The following NAALADL2 variants were observed in gnomAD, a reference collection of about 807,000 sequenced individuals.
The protein encoded by NAALADL2 is N-acetylated alpha-linked acidic dipeptidase like 2, also known as inactive N-acetylated-alpha-linked acidic dipeptidase-like protein 2.
In NAALADL2, 76 loss-of-function variants were observed where a neutral mutation model predicts 87.2. The ratio of observed to expected loss-of-function variants is 0.87; its 90% CI spans 0.72 to 1.05. The LOEUF is 1.05. NAALADL2 is among the 50% of genes least tolerant of loss of function. NAALADL2 has a pLI of 0.00. For missense variants in NAALADL2, 1,089 were observed against 945.8 expected (o/e 1.15, Z -1.99); for synonymous variants, 354 against 331.0 (o/e 1.07, Z -0.75).
chr3:174,767,347 T>G (rs767570447), intron 3 of NAALADL2, among the ~76,000 whole-genome samples: 1 of 152,214 alleles, frequency 6.6e-6, no homozygotes, highest in Non-Finnish European at 1.5e-5. Flanking sequence ...GAGATTCTTT[T>G]ATTAATAGTT....
intron 12 of NAALADL2, among the ~76,000 whole-genome samples, chr3:175,753,616 CTCTCTGTAATT>C (rs1746882994): frequency 6.6e-6 from 1 of 152,100 alleles, no homozygotes; most frequent in East Asian, 1.9e-4. Flanking sequence ...AGCATATCAC[CTCTCTGTAATT>C]TTTCTTAAAT....
chr3:175,700,496 A>G (rs571294134), intron 11 of NAALADL2, among the ~76,000 whole-genome samples: 5 of 152,308 alleles, frequency 3.3e-5, no homozygotes, highest in South Asian at 2.1e-4. Context: ...CTGAAATGGA[A>G]GAATCTGATG....
chr3:175,302,885 T>C (rs568070041), intron 4 of NAALADL2, among the ~76,000 whole-genome samples: 14 of 151,934 alleles, frequency 9.2e-5, no homozygotes, highest in South Asian at 4.1e-4. Flanking sequence ...TTTTCATAAA[T>C]ATTTGTGAGT....
chr3:174,455,111 T>C (rs1715746984), intron 1 of NAALADL2, among the ~76,000 whole-genome samples: 1 of 152,066 alleles, frequency 6.6e-6, no homozygotes, highest in African/African-American at 2.4e-5. Context: ...CCTCTGTGCA[T>C]ACAAACTAAA....
intron 1 of NAALADL2, among the ~76,000 whole-genome samples, chr3:174,539,427 A>G (rs1037422146): frequency 3.9e-5 from 6 of 152,158 alleles, no homozygotes; most frequent in Non-Finnish European, 8.8e-5. Context: ...ATTTATTTTA[A>G]TAGTATATAT....
chr3:175,412,929 T>TATTA (rs1560510672), intron 5 of NAALADL2, among the ~76,000 whole-genome samples: 5 of 146,620 alleles, frequency 3.4e-5, no homozygotes, highest in Admixed American at 6.8e-5. Context: ...TTATTATTAT[T>TATTA]TTTGAGACGG....
chr3:175,658,802 C>G (rs1315179761), intron 11 of NAALADL2, among the ~76,000 whole-genome samples: 1 of 152,092 alleles, frequency 6.6e-6, no homozygotes, highest in Non-Finnish European at 1.5e-5. Flanking sequence ...AGTTGTACAT[C>G]TGCCTTCATT....
chr3:175,289,720 G>A (rs1050872199), intron 4 of NAALADL2, among the ~76,000 whole-genome samples: 10 of 152,132 alleles, frequency 6.6e-5, no homozygotes, highest in Non-Finnish European at 1.2e-4. Context: ...CAGCTACTCA[G>A]AAGGCTAAGG....
intron 3 of NAALADL2, among the ~76,000 whole-genome samples, chr3:175,245,523 G>A (rs1385570722): frequency 1.3e-5 from 2 of 152,172 alleles, no homozygotes; most frequent in African/African-American, 4.8e-5. Flanking sequence ...TTTTGCAAAT[G>A]TATTAAACAA....
At chr3:174,745,820 A>G (rs1332696943) in intron 3 of NAALADL2, among the ~76,000 whole-genome samples, 1 of 152,156 alleles carries the variant, frequency 6.6e-6, no homozygotes, top group Non-Finnish European at 1.5e-5. Flanking sequence ...TCATCACATA[A>G]ACAGAACTAA....
chr3:175,687,799 A>T (rs1736505913), intron 11 of NAALADL2, among the ~76,000 whole-genome samples: 2 of 151,904 alleles, frequency 1.3e-5, no homozygotes, highest in Admixed American at 1.3e-4. Flanking sequence ...GTTCTCAGGA[A>T]ATCTAGTTGT....
intron 2 of NAALADL2, among the ~76,000 whole-genome samples, chr3:175,230,488 A>G (rs1744784571): frequency 6.6e-6 from 1 of 152,058 alleles, no homozygotes; most frequent in Non-Finnish European, 1.5e-5. Flanking sequence ...ACATGAAAGG[A>G]AACATGAATA....
chr3:175,044,577 A>G (rs1276955979), intron 1 of NAALADL2, among the ~76,000 whole-genome samples: 2 of 152,160 alleles, frequency 1.3e-5, no homozygotes, highest in Non-Finnish European at 2.9e-5. Flanking sequence ...TCATGTTCAT[A>G]CATATAATCT....
chr3:174,710,528 A>G (rs1047725898), intron 2 of NAALADL2, among the ~76,000 whole-genome samples: 1 of 152,158 alleles, frequency 6.6e-6, no homozygotes, highest in Non-Finnish European at 1.5e-5. Flanking sequence ...TGCTGGGATT[A>G]CAGGCATGAG....
At chr3:174,873,229 C>CTTTATTTATTTA (rs150711871) in intron 1 of NAALADL2, among the ~76,000 whole-genome samples, 149 of 144,486 alleles carry the variant, frequency 1.0e-3, no homozygotes, top group African/African-American at 3.6e-3. Flanking sequence ...GTGTACATGT[C>CTTTATTTATTTA]TTTATTTATT....
At chr3:175,439,749 AT>A in intron 5 of NAALADL2, among the ~76,000 whole-genome samples, 1 of 64,396 alleles carries the variant, frequency 1.6e-5, no homozygotes, top group Non-Finnish European at 3.3e-5. Context: ...TCTTTTTTTG[AT>A]GATTTGTTTG....
At chr3:174,641,532 A>G (rs551613762) in intron 2 of NAALADL2, among the ~76,000 whole-genome samples, 18 of 152,144 alleles carry the variant, frequency 1.2e-4, no homozygotes, top group Non-Finnish European at 2.2e-4. Context: ...CGATGCCCTC[A>G]AGGCTGCAAG....
At chr3:174,774,967 T>C (rs557399631) in intron 3 of NAALADL2, among the ~76,000 whole-genome samples, 1 of 152,246 alleles carries the variant, frequency 6.6e-6, no homozygotes, top group South Asian at 2.1e-4. Context: ...AAAGTTAGGC[T>C]GTTCTGCTTG....
intron 4 of NAALADL2, among the ~76,000 whole-genome samples, chr3:175,257,781 A>G (rs1381121): frequency 0.79 from 120,241 of 152,102 alleles, 47,797 homozygotes; most frequent in East Asian, 0.98. Flanking sequence ...AATCAAAAAA[A>G]AGATCAAGAG....
Sources: allele counts gnomAD v4.1 joint callset (sites outside exome capture counted in the v4.1 genomes callset), GRCh38; gene constraint gnomAD v4.1.1; transcripts MANE v1.5; gene names NCBI Gene and HGNC (gene_info 2026-07-23, HGNC 2026-07-21).